The following STK32B variants were observed in gnomAD, a reference collection of about 807,000 sequenced individuals.
STK32B encodes the protein serine/threonine kinase 32B.
STK32B carries 43 observed loss-of-function variants against 52.6 expected under a neutral mutation model. The observed-to-expected ratio is 0.82, with a 90% CI of 0.64 to 1.05. The LOEUF (loss-of-function observed/expected upper bound fraction) is 1.05. Among genes scored for constraint, STK32B ranks in the 50% least tolerant of loss-of-function variants. The pLI, the probability that STK32B is intolerant of heterozygous loss-of-function variation, is 0.00. For synonymous variants in STK32B, 238 were observed against 204.3 expected, an observed-to-expected ratio of 1.17 and a Z score of -1.41; for missense variants, 621 against 534.6, an observed-to-expected ratio of 1.16 and a Z score of -1.59.
At chr4:5,456,326 C>T (rs1187068068) in intron 7 of STK32B, among the ~76,000 whole-genome samples, 1 of 152,234 alleles carries the variant, frequency 6.6e-6, no homozygotes, top group Non-Finnish European at 1.5e-5. Flanking sequence ...ATCCCTCAGC[C>T]CAACCACACC....
chr4:5,434,772 C>T (rs900930444), intron 6 of STK32B, among the ~76,000 whole-genome samples: 1 of 152,134 alleles, frequency 6.6e-6, no homozygotes, highest in Non-Finnish European at 1.5e-5. Context: ...GCTCTCTAAA[C>T]ATTAGCTTTT....
intron 2 of STK32B, among the ~76,000 whole-genome samples, chr4:5,144,982 C>T (rs1716797825): frequency 6.6e-6 from 1 of 152,192 alleles, no homozygotes; most frequent in African/African-American, 2.4e-5. Context: ...CTCTGAAAAG[C>T]ATGGTAGGGG....
chr4:5,059,995 T>C (rs935748199), intron 1 of STK32B, among the ~76,000 whole-genome samples: 1 of 152,186 alleles, frequency 6.6e-6, no homozygotes, highest in African/African-American at 2.4e-5. Context: ...AGACAGAGTT[T>C]CGTTCTTGTT....
intron 3 of STK32B, among the ~76,000 whole-genome samples, chr4:5,196,334 GTTTTTTT>G (rs35605834): frequency 1.3e-4 from 11 of 87,688 alleles, no homozygotes; most frequent in Admixed American, 2.9e-4. Context: ...TCTTTCTTCA[GTTTTTTT>G]TTTTTTTTTT....
intron 3 of STK32B, among the ~76,000 whole-genome samples, chr4:5,182,443 C>T (rs1277971832): frequency 1.3e-5 from 2 of 151,966 alleles, no homozygotes; most frequent in African/African-American, 2.4e-5. Context: ...TGTAGCCTTA[C>T]AAAATGTCCT....
At chr4:5,111,534 G>C (rs1056802759) in intron 1 of STK32B, among the ~76,000 whole-genome samples, 1 of 152,076 alleles carries the variant, frequency 6.6e-6, no homozygotes, top group African/African-American at 2.4e-5. Context: ...AATATTACAT[G>C]TTCTCACTTA....
At chr4:5,487,738 G>C (rs1458603371) in intron 11 of STK32B, among the ~76,000 whole-genome samples, 1 of 152,150 alleles carries the variant, frequency 6.6e-6, no homozygotes, top group Admixed American at 6.5e-5. Flanking sequence ...GAGGGGAGGA[G>C]TCTTATTCTG....
At chr4:5,462,503 C>G (rs1717111731) in intron 9 of STK32B, among the ~76,000 whole-genome samples, 2 of 152,130 alleles carry the variant, frequency 1.3e-5, no homozygotes, top group South Asian at 2.1e-4. Context: ...CATCCCATTT[C>G]CCACCCTATT....
chr4:5,250,997 A>G (rs989001629), intron 3 of STK32B, among the ~76,000 whole-genome samples: 4 of 152,108 alleles, frequency 2.6e-5, no homozygotes, highest in Non-Finnish European at 4.4e-5. Context: ...ATTTTCTCTC[A>G]TTCTGTAGGT....
intron 6 of STK32B, among the ~76,000 whole-genome samples, chr4:5,438,537 A>T (rs546902940): frequency 1.8e-4 from 28 of 152,322 alleles, no homozygotes; most frequent in Admixed American, 1.5e-3. Flanking sequence ...TGGGTAACTG[A>T]TGGACGATGG....
chr4:5,398,172 A>G lies in STK32B; in HGVS notation c.435-35A>G. On this transcript the variant is annotated intron_variant, in intron 4 of 11. Transcript: ENST00000282908. This position sits in a 1 kb window ranked among gnomAD's most constrained non-coding sequence, Gnocchi z 4.9. ...CTATGTGCTCATCTGTGGGCTCAGGAACCACATTGCCAGCTTCTTTGTTTT... is the reference window on the plus strand; with the variant it reads ...CTATGTGCTCATCTGTGGGCTCAGGGACCACATTGCCAGCTTCTTTGTTTT... 1 of 1,613,178 alleles carries G rather than the reference A, an allele frequency of 6.2e-7. No homozygotes were observed. The highest frequency in any genetic ancestry group is 8.5e-7 in the Non-Finnish European group (1 of 1,179,628).
chr4:5,235,107 T>C (rs1724534191), intron 3 of STK32B, among the ~76,000 whole-genome samples: 1 of 152,202 alleles, frequency 6.6e-6, no homozygotes, highest in Non-Finnish European at 1.5e-5. Context: ...GATTTGGAGA[T>C]GAGATAGACT....
intron 3 of STK32B, among the ~76,000 whole-genome samples, chr4:5,282,625 A>G (rs1728283411): frequency 6.6e-6 from 1 of 152,178 alleles, no homozygotes; most frequent in South Asian, 2.1e-4. Flanking sequence ...TGACACAGGC[A>G]TTGTGAGGTA....
intron 3 of STK32B, among the ~76,000 whole-genome samples, chr4:5,205,690 C>A (rs16836838): frequency 2.1e-5 from 2 of 97,308 alleles, no homozygotes; most frequent in Non-Finnish European, 4.5e-5. Flanking sequence ...CAGTTCTAGA[C>A]CAGGCGCGCG....
At chr4:5,401,617 G>A (rs984361306) in intron 5 of STK32B, among the ~76,000 whole-genome samples, 3 of 152,134 alleles carry the variant, frequency 2.0e-5, no homozygotes, top group Admixed American at 1.3e-4. Flanking sequence ...GAGATACCAC[G>A]CATTGAGGTA....
intron 4 of STK32B, among the ~76,000 whole-genome samples, chr4:5,348,967 C>T (rs1733653059): frequency 6.6e-6 from 1 of 152,198 alleles, no homozygotes; most frequent in Non-Finnish European, 1.5e-5. Context: ...ACATGTGCCA[C>T]CTGTAGGTCT....
rs570209708 is a variant in STK32B, at chr4:5,256,672, TCTC to T, written c.261-74545_261-74543del. ...AGACATCCTGTCCCCTGCGAAGTCT[TCTC>T]CTGCCTCCTGTCTGAGCCTGAGTGA... On this transcript the variant is annotated intron_variant, in intron 3 of 11. Coordinates refer to ENST00000282908, the MANE Select transcript of STK32B (RefSeq NM_018401.3). Among the ~76,000 whole-genome samples, 475 of 152,358 alleles carry T rather than the reference TCTC, an allele frequency of 3.1e-3. 4 individuals carry two copies. Among genetic ancestry groups the T allele is most frequent in the African/African-American group, 0.011 (444 of 41,586 alleles).
Position 5,181,139 on chromosome 4 carries a change from T to G in STK32B, c.260+12689T>G, listed in dbSNP as rs1030360074. Among the ~76,000 whole-genome samples, 18 of 152,308 alleles carry G rather than the reference T, an allele frequency of 1.2e-4. No individual in the cohort carries two copies. In the East Asian group the frequency reaches 3.3e-3, roughly 28 times the overall value. On this transcript the variant is annotated intron_variant, in intron 3 of 11. Coordinates refer to ENST00000282908, the MANE Select transcript of STK32B (RefSeq NM_018401.3). The stretch of plus-strand genomic sequence containing the variant: ...CATCCTAGCTCTGCCTCTAGCTGGC[T>G]ATGATGCTGCTATGGACCAAATTGT...
intron 6 of STK32B, among the ~76,000 whole-genome samples, chr4:5,445,565 A>G (rs1715323943): frequency 6.6e-6 from 1 of 152,188 alleles, no homozygotes; most frequent in African/African-American, 2.4e-5. Flanking sequence ...GAGAGTGATC[A>G]GAGACAAGGA....
Sources: gnomAD v4.1 joint callset for allele counts (sites outside exome capture counted in the v4.1 genomes callset) on GRCh38, gnomAD v4.1.1 for gene constraint, Gnocchi (gnomAD v3.1) non-coding constraint, MANE v1.5 for transcripts, NCBI Gene and HGNC (gene_info 2026-07-23, HGNC 2026-07-21) for gene names.